The following MAP4K3 variants were observed in gnomAD, a reference collection of about 807,000 sequenced individuals.
The protein encoded by MAP4K3 is mitogen-activated protein kinase kinase kinase kinase 3, also known as MAPK/ERK kinase kinase kinase 3.
In MAP4K3, 94 loss-of-function variants were observed where a neutral mutation model predicts 143.5. The ratio of observed to expected loss-of-function variants is 0.65; its 90% CI spans 0.55 to 0.78. The LOEUF is 0.78. Among genes scored for constraint, MAP4K3 ranks in the 30% least tolerant of loss-of-function variants. MAP4K3 has a pLI of 0.00. For missense variants in MAP4K3, 1,077 were observed against 1,068.1 expected (o/e 1.01, Z -0.12); for synonymous variants, 416 against 347.2 (o/e 1.20, Z -2.20).
chr2:39,402,133 T>C (rs1040077730), intron 1 of MAP4K3, among the ~76,000 whole-genome samples: 6 of 152,012 alleles, frequency 3.9e-5, no homozygotes, highest in Non-Finnish European at 5.9e-5. Context: ...ATCATATTAA[T>C]ACATGAAAAC....
intron 31 of MAP4K3, among the ~76,000 whole-genome samples, chr2:39,257,146 A>G (rs979657835): frequency 4.6e-5 from 7 of 152,220 alleles, no homozygotes; most frequent in African/African-American, 1.7e-4. Flanking sequence ...GTCTGCTAAT[A>G]CACATACACG....
intron 1 of MAP4K3, among the ~76,000 whole-genome samples, chr2:39,417,068 G>A (rs1667401912): frequency 6.6e-6 from 1 of 152,196 alleles, no homozygotes; most frequent in Non-Finnish European, 1.5e-5. Context: ...TTATTTCAAA[G>A]AGTAAATGAG....
chr2:39,395,328 TACAC>T (rs10549757), intron 1 of MAP4K3, among the ~76,000 whole-genome samples: 112,125 of 149,624 alleles, frequency 0.75, 42,065 homozygotes, highest in Non-Finnish European at 0.79. Flanking sequence ...CACGTACACA[TACAC>T]ACACACACAC....
intron 18 of MAP4K3, among the ~76,000 whole-genome samples, chr2:39,291,371 T>G (rs10169329): frequency 0.72 from 110,213 of 152,128 alleles, 44,672 homozygotes; most frequent in Non-Finnish European, 0.9. Context: ...TAATTCCAGT[T>G]TATATCAACT....
At chr2:39,373,929 A>G (rs1666150396) in intron 2 of MAP4K3, among the ~76,000 whole-genome samples, 1 of 152,236 alleles carries the variant, frequency 6.6e-6, no homozygotes, top group Non-Finnish European at 1.5e-5. Context: ...AAAAAATCCA[A>G]TCATACATTT....
chr2:39,390,328 T>C, intron 1 of MAP4K3, among the ~76,000 whole-genome samples: 1 of 152,190 alleles, frequency 6.6e-6, no homozygotes, highest in Middle Eastern at 3.4e-3. Context: ...TACCAAAAAA[T>C]GAAATTTAAA....
Position 39,299,814 on chromosome 2 carries a change from A to C in MAP4K3, c.1120-13T>G, listed in dbSNP as rs201182237. ...CCAGTTGCAGATCCTAATAGTACAA[A>C]ATAAAATATTTAGCACAATAGTAGT... is the stretch of plus-strand genomic sequence containing the variant. On this transcript the variant is annotated splice_polypyrimidine_tract_variant and intron_variant, in intron 15 of 33. Transcript: ENST00000263881. 135 of 1,501,946 alleles carry C rather than the reference A, an allele frequency of 9.0e-5. No homozygotes were observed. In the African/African-American group the frequency reaches 1.6e-3, roughly 18 times the overall value. 93.0% of individuals were successfully genotyped at this position (1,501,946 alleles called of 1,614,324 possible).
chr2:39,376,041 T>C lies in MAP4K3; in HGVS notation c.154+2025A>G, dbSNP rs748393489. 7.9e-5 allele frequency among the ~76,000 whole-genome samples: 12 copies of C among 151,996 alleles called. No individual in the cohort carries two copies. In the South Asian group the frequency reaches 1.7e-3, roughly 21 times the overall value. ...TAATGCTACTATAAACATTTGTGCA[T>C]GACAATCATTGTGTCGGCAGATATG... On this transcript the variant is annotated intron_variant, in intron 2 of 33. Coordinates refer to ENST00000263881, the MANE Select transcript of MAP4K3 (RefSeq NM_003618.4).
At chr2:39,333,679 G>C in intron 6 of MAP4K3, 105 bp from the exon 7 acceptor site, 1 of 577,980 alleles carries the variant, frequency 1.7e-6, no homozygotes, top group Admixed American at 3.2e-5. Context: ...CTTAGACCTA[G>C]AAATACTTAA....
chr2:39,283,658 T>C (rs1439898036), intron 21 of MAP4K3: 1 of 152,194 alleles, frequency 6.6e-6, no homozygotes, highest in Non-Finnish European at 1.5e-5. Flanking sequence ...TTGGTTAGAG[T>C]ATACAGGCAA....
intron 24 of MAP4K3, 75 bp downstream of exon 24, chr2:39,278,332 A>C: frequency 1.2e-6 from 1 of 809,826 alleles, no homozygotes; most frequent in Non-Finnish European, 1.9e-6. Context: ...ATGAAACTGA[A>C]CCTTATTTCT....
intron 32 of MAP4K3, among the ~76,000 whole-genome samples, 172 bp downstream of exon 32, chr2:39,254,274 GGAGA>G (rs146947268): frequency 3.2e-4 from 49 of 151,942 alleles, no homozygotes; most frequent in African/African-American, 1.1e-3. Flanking sequence ...TTTGAGTAGT[GGAGA>G]GAGAGAGAGG....
intron 13 of MAP4K3, among the ~76,000 whole-genome samples, chr2:39,314,702 G>A (rs1039270515): frequency 3.3e-5 from 5 of 152,148 alleles, no homozygotes; most frequent in African/African-American, 1.2e-4. Flanking sequence ...TGACAGTATT[G>A]GATCCCATGT....
At chr2:39,299,639 C>T in intron 16 of MAP4K3, 104 bp downstream of exon 16, 1 of 523,282 alleles carries the variant, frequency 1.9e-6, no homozygotes. Flanking sequence ...TAAAATATAT[C>T]TACCAGCCTA....
intron 26 of MAP4K3, 36 bp from the exon 27 acceptor site, chr2:39,267,283 A>C: frequency 6.7e-7 from 1 of 1,499,286 alleles, no homozygotes; most frequent in Non-Finnish European, 9.3e-7. Context: ...TAATATATGT[A>C]GGCAAACTTA....
intron 2 of MAP4K3, among the ~76,000 whole-genome samples, chr2:39,367,182 T>G (rs1665946133): frequency 6.6e-6 from 1 of 152,238 alleles, no homozygotes; most frequent in Non-Finnish European, 1.5e-5. Context: ...CATACATTGT[T>G]ACTGAATGGC....
intron 2 of MAP4K3, among the ~76,000 whole-genome samples, chr2:39,361,441 C>G (rs1321962838): frequency 2.0e-5 from 3 of 147,030 alleles, no homozygotes; most frequent in Admixed American, 1.3e-4. Context: ...AATTGAAACC[C>G]AAAAGAAAAA....
At chr2:39,378,425 G>A (rs976504981) in intron 1 of MAP4K3, among the ~76,000 whole-genome samples, 2 of 151,992 alleles carry the variant, frequency 1.3e-5, no homozygotes, top group Admixed American at 6.6e-5. Flanking sequence ...TATAAAATAG[G>A]TACTGATATT....
At chr2:39,269,995 T>C (rs1165853620) in intron 26 of MAP4K3, among the ~76,000 whole-genome samples, 1 of 152,166 alleles carries the variant, frequency 6.6e-6, no homozygotes, top group Non-Finnish European at 1.5e-5. Context: ...AAGCGCTTTT[T>C]AGAGTTAAAA....
Sources: allele counts gnomAD v4.1 joint callset (sites outside exome capture counted in the v4.1 genomes callset), GRCh38; gene constraint gnomAD v4.1.1; transcripts MANE v1.5; gene names NCBI Gene and HGNC (gene_info 2026-07-23, HGNC 2026-07-21).